CDH13: variants seen among roughly 807,000 people sequenced by gnomAD.
CDH13 encodes the protein cadherin-13.
CDH13 carries 24 observed loss-of-function variants against 63.8 expected under a neutral mutation model. The observed-to-expected ratio is 0.38, with a 90% CI of 0.27 to 0.53. The LOEUF is 0.53. Among genes scored for constraint, CDH13 ranks in the 20% least tolerant of loss-of-function variants. The pLI, the probability that CDH13 is intolerant of heterozygous loss-of-function variation, is 0.85. For missense variants in CDH13, 1,049 were observed against 903.1 expected (o/e 1.16, Z -2.07); for synonymous variants, 503 against 355.3 (o/e 1.42, Z -4.67).
At chr16:82,919,603 C>T (rs1280206897) in intron 2 of CDH13, among the ~76,000 whole-genome samples, 2 of 152,186 alleles carry the variant, frequency 1.3e-5, no homozygotes, top group Non-Finnish European at 2.9e-5. Flanking sequence ...CTTTATCCAG[C>T]TCACCATTGA....
intron 1 of CDH13, among the ~76,000 whole-genome samples, chr16:82,656,514 C>T (rs188856718): frequency 6.6e-5 from 10 of 152,272 alleles, no homozygotes; most frequent in Non-Finnish European, 1.3e-4. Context: ...AGCCTTGTCC[C>T]ACTATCAACA....
intron 7 of CDH13, among the ~76,000 whole-genome samples, chr16:83,585,097 C>T (rs74032202): frequency 0.038 from 5,801 of 152,146 alleles, 377 homozygotes; most frequent in African/African-American, 0.13. Flanking sequence ...TGCTCCCGAG[C>T]CATGACTTAG....
At chr16:82,829,894 A>G (rs951652802) in intron 1 of CDH13, among the ~76,000 whole-genome samples, 7 of 152,168 alleles carry the variant, frequency 4.6e-5, no homozygotes, top group African/African-American at 1.7e-4. Context: ...AAAATGCCTC[A>G]TCTCCTTTGA....
intron 7 of CDH13, among the ~76,000 whole-genome samples, chr16:83,593,131 G>A (rs543328177): frequency 6.6e-6 from 1 of 152,270 alleles, no homozygotes; most frequent in African/African-American, 2.4e-5. Context: ...AGCCAGCCCG[G>A]GGAAGAATGT....
intron 11 of CDH13, among the ~76,000 whole-genome samples, chr16:83,757,274 C>G (rs1364166183): frequency 6.6e-6 from 1 of 152,076 alleles, no homozygotes; most frequent in Non-Finnish European, 1.5e-5. Flanking sequence ...AACAAATATA[C>G]AAGACAAAAT....
At position 83,076,057 on chromosome 16, in the gene CDH13, G is replaced by A. The variant is rs118023472; in HGVS notation, c.366+43839G>A. Among the ~76,000 whole-genome samples, 842 of 152,272 alleles carry A rather than the reference G, an allele frequency of 5.5e-3. 4 individuals carry two copies. The highest frequency in any genetic ancestry group is 0.01 in the Middle Eastern group (3 of 294). On this transcript the variant is annotated intron_variant, in intron 3 of 13. Transcript: ENST00000567109. ...AGCTGACAAATGGCAGAGCCAGAAC[G>A]TGAGTTCTGCTGATTCCAGACATCC...
intron 2 of CDH13, among the ~76,000 whole-genome samples, chr16:82,874,374 G>C (rs577485172): frequency 6.6e-6 from 1 of 152,072 alleles, no homozygotes; most frequent in South Asian, 2.1e-4. Context: ...GAGCAGCAGA[G>C]TGTGGTGGCT....
intron 7 of CDH13, among the ~76,000 whole-genome samples, chr16:83,526,553 C>T (rs1238604630): frequency 1.2e-4 from 19 of 152,188 alleles, no homozygotes; most frequent in Non-Finnish European, 2.5e-4. Flanking sequence ...GGATACCGAG[C>T]TCAGATGGTA....
intron 1 of CDH13, among the ~76,000 whole-genome samples, chr16:82,737,424 G>A (rs1042107270): frequency 5.3e-5 from 8 of 152,162 alleles, no homozygotes; most frequent in East Asian, 3.8e-4. Flanking sequence ...ATACCACAGC[G>A]TCTGTTTTAC....
At chr16:83,577,788 A>C (rs73607881) in intron 7 of CDH13, among the ~76,000 whole-genome samples, 7,893 of 152,320 alleles carry the variant, frequency 0.052, 622 homozygotes, top group African/African-American at 0.17. Context: ...AATAAAGCTT[A>C]GTCTTTTATG....
In CDH13 at chr16:83,030,060, A is replaced by G. The variant is rs1356765111; in HGVS notation, c.158-1950A>G. 2.6e-5 allele frequency among the ~76,000 whole-genome samples: 4 copies of G among 152,266 alleles called. No homozygotes were observed. In the East Asian group the frequency reaches 5.8e-4, roughly 22 times the overall value. On this transcript the variant is annotated intron_variant, in intron 2 of 13. Transcript: ENST00000567109. ...ATGCAGAATCACCATTGAGGGGAGC[A>G]TGATCAGCCGTCACAGCCTCTGCTT...
At chr16:83,240,822 A>G (rs759449189) in intron 5 of CDH13, among the ~76,000 whole-genome samples, 4 of 136,854 alleles carry the variant, frequency 2.9e-5, no homozygotes, top group Admixed American at 8.5e-5. Context: ...TCAGTCCCCC[A>G]AGAAGCTGGG....
At chr16:83,499,463 CCTTGTG>C in intron 7 of CDH13, among the ~76,000 whole-genome samples, 2 of 152,346 alleles carry the variant, frequency 1.3e-5, no homozygotes, top group Non-Finnish European at 2.9e-5. Context: ...CTTTCACCAG[CCTTGTG>C]CTAGAGAAAC....
At chr16:83,104,499 A>G (rs2034665543) in intron 3 of CDH13, among the ~76,000 whole-genome samples, 1 of 151,824 alleles carries the variant, frequency 6.6e-6, no homozygotes, top group South Asian at 2.1e-4. Flanking sequence ...AAGAGAAATT[A>G]TTGTTTAAGT....
At position 83,176,835 on chromosome 16, in the gene CDH13, G is replaced by T. The variant is rs533071953; in HGVS notation, c.484-40510G>T. 9.9e-5 allele frequency among the ~76,000 whole-genome samples: 15 copies of T among 152,252 alleles called. No individual in the cohort carries two copies. In the East Asian group the frequency reaches 2.5e-3, roughly 25 times the overall value. ...TGTCTGAGTGCCGGATTGTAGCTCTGTTGAGCCTGGGTCTTAAGTCTGAGC... is the reference window on the plus strand; with the variant it reads ...TGTCTGAGTGCCGGATTGTAGCTCTTTTGAGCCTGGGTCTTAAGTCTGAGC... On this transcript the variant is annotated intron_variant, in intron 4 of 13. Coordinates refer to ENST00000567109, the MANE Select transcript of CDH13 (RefSeq NM_001257.5).
chr16:83,736,046 T>A (rs1340733325), intron 10 of CDH13: 1 of 152,202 alleles, frequency 6.6e-6, no homozygotes, highest in East Asian at 1.9e-4. Context: ...AGTCGTCCTG[T>A]TCTTTTCCAA....
At chr16:82,770,375 A>G (rs2035215962) in intron 1 of CDH13, among the ~76,000 whole-genome samples, 1 of 152,216 alleles carries the variant, frequency 6.6e-6, no homozygotes, top group African/African-American at 2.4e-5. Flanking sequence ...AAAGGAAGAA[A>G]ATTGCTCAAA....
In CDH13 at chr16:82,781,983, A is replaced by C. The variant is rs574288992; in HGVS notation, c.46-76379A>C. 3.3e-5 allele frequency among the ~76,000 whole-genome samples: 5 copies of C among 152,322 alleles called. No homozygotes were observed. The South Asian group carries it at 1.0e-3, about 32-fold the overall frequency. ...AGAAGGAGGCACACATGTGAACCTA[A>C]ATGTCATATGTGGTAAAAGAGGAAG... On this transcript the variant is annotated intron_variant, in intron 1 of 13. Coordinates refer to ENST00000567109, the MANE Select transcript of CDH13 (RefSeq NM_001257.5).
At chr16:83,059,746 A>G (rs1007813790) in intron 3 of CDH13, among the ~76,000 whole-genome samples, 1 of 148,320 alleles carries the variant, frequency 6.7e-6, no homozygotes, top group Non-Finnish European at 1.5e-5. Context: ...TCCCTGTATC[A>G]CTAACTTTCT....
Sources: gnomAD v4.1 joint callset for allele counts (sites outside exome capture counted in the v4.1 genomes callset) on GRCh38, gnomAD v4.1.1 for gene constraint, MANE v1.5 for transcripts, NCBI Gene and HGNC (gene_info 2026-07-23, HGNC 2026-07-21) for gene names.